The following HTRA1 variants were observed in gnomAD, a reference collection of about 807,000 sequenced individuals.
HTRA1 encodes HtrA serine peptidase 1.
HTRA1 carries 26 observed loss-of-function variants against 49.7 expected under a neutral mutation model. That is an observed-to-expected ratio of 0.52 (90% CI 0.38 to 0.73). HTRA1 has a LOEUF of 0.73. Among genes scored for constraint, HTRA1 ranks in the 30% least tolerant of loss-of-function variants. The probability of loss-of-function intolerance (pLI) is 0.00; values close to 1 mark genes in which losing one functional copy is unlikely to be tolerated. For synonymous variants in HTRA1, 291 were observed against 286.9 expected (o/e 1.01, Z -0.14); for missense variants, 561 against 667.2 (o/e 0.84, Z 1.75).
chr10:122,506,872 A>C lies in HTRA1; in HGVS notation c.959A>C (p.Asp320Ala). The change falls in exon 4 of 9, where the codon GAC becomes GCC. Residue 320 changes from aspartate (D) to alanine (A), a missense_variant. Asp to Ala is a moderately radical substitution (Grantham distance 126, BLOSUM62 -2). Around this residue, in one of 3 missense-constraint regions of HTRA1, gnomAD observed 271 missense variants for 410.0 expected, o/e 0.66. Coordinates refer to ENST00000368984, the MANE Select transcript of HTRA1 (RefSeq NM_002775.5). This position sits in a 1 kb window ranked among gnomAD's most constrained non-coding sequence, Gnocchi z 5.2. ...RNSDMDYIQT[D>A]AIINYGNSGG... The stretch of plus-strand genomic sequence containing the variant: ...TCAGACATGGACTACATCCAGACCG[A>C]CGCCATCATCAACGTGAGCCTCTGT... 1 of 1,613,564 alleles carries C rather than the reference A, an allele frequency of 6.2e-7. No homozygotes were observed. The highest frequency in any genetic ancestry group is 8.5e-7 in the Non-Finnish European group (1 of 1,179,998).
rs111580234 is a variant in HTRA1 at position 122,514,239 on chromosome 10, C to A, written c.1323C>A (p.Ser441=). ...NDVIISINGQ[S]VVSANDVSDV... Reference sequence around the variant, plus strand: ...TCATAATCAGCATCAATGGACAGTCCGTGGTCTCCGCCAATGATGTCAGCG... The same window carrying A: ...TCATAATCAGCATCAATGGACAGTCAGTGGTCTCCGCCAATGATGTCAGCG... The change falls in exon 9 of 9, where the codon TCC becomes TCA. Residue 441 remains serine, a synonymous_variant. Coordinates refer to ENST00000368984, the MANE Select transcript of HTRA1 (RefSeq NM_002775.5). 6.2e-7 allele frequency: 1 copy of A among 1,614,004 alleles called. No individual in the cohort carries two copies. Among genetic ancestry groups the A allele is most frequent in the Non-Finnish European group, 8.5e-7 (1 of 1,179,988 alleles).
intron 1 of HTRA1, among the ~76,000 whole-genome samples, chr10:122,466,635 G>C (rs1174892154): frequency 6.6e-6 from 1 of 152,184 alleles, no homozygotes; most frequent in African/African-American, 2.4e-5. Context: ...TACAATCACT[G>C]CTTCCCTGGG....
At chr10:122,508,099 A>G (rs1449382725) in intron 5 of HTRA1, among the ~76,000 whole-genome samples, 5 of 152,120 alleles carry the variant, frequency 3.3e-5, no homozygotes, top group Non-Finnish European at 5.9e-5. Flanking sequence ...CTGACATCTC[A>G]GCACTCCTGG....
intron 3 of HTRA1, among the ~76,000 whole-genome samples, chr10:122,496,984 A>G (rs1367523079): frequency 1.3e-5 from 2 of 152,198 alleles, no homozygotes; most frequent in African/African-American, 4.8e-5. Flanking sequence ...GTCTGAAAGC[A>G]CAAAGATTCA....
rs533707506 is a variant in HTRA1, at chr10:122,472,679, G to C, written c.472+10555G>C. Among the ~76,000 whole-genome samples, 7 of 152,288 alleles carry C rather than the reference G, an allele frequency of 4.6e-5. No individual in the cohort carries two copies. The East Asian group carries it at 1.4e-3, about 29-fold the overall frequency. On this transcript the variant is annotated intron_variant, in intron 1 of 8. Transcript: ENST00000368984. ...CAAAGTGTGGGGATTACAGGCATGA[G>C]CTACCATGCCTGGCCTAATTCCATC...
rs1227309000 is a variant in HTRA1, at chr10:122,493,797, C to T, written c.777+4171C>T. On this transcript the variant is annotated intron_variant, in intron 3 of 8. Coordinates refer to ENST00000368984, the MANE Select transcript of HTRA1 (RefSeq NM_002775.5). The stretch of plus-strand genomic sequence containing the variant: ...CCTTACCAGGACCTTGAGGGCCCCA[C>T]CTGATTGGGCACCCCTCACTCTCTC... Among the ~76,000 whole-genome samples the T allele has an allele frequency of 3.3e-5, 5 of 152,092 alleles. No individual in the cohort carries two copies. In the East Asian group the frequency reaches 7.7e-4, roughly 23 times the overall value.
intron 3 of HTRA1, among the ~76,000 whole-genome samples, chr10:122,501,140 A>G (rs1015739185): frequency 1.3e-5 from 2 of 152,188 alleles, no homozygotes; most frequent in Non-Finnish European, 1.5e-5. Flanking sequence ...CAGAACGGCT[A>G]TGAAGCCATC....
chr10:122,474,256 C>A (rs2097487455), intron 1 of HTRA1, among the ~76,000 whole-genome samples: 2 of 152,186 alleles, frequency 1.3e-5, no homozygotes, highest in Non-Finnish European at 2.9e-5. Context: ...AACTGAGGCC[C>A]AGGAAGGGGA....
At chr10:122,498,594 T>C (rs2097499690) in intron 3 of HTRA1, among the ~76,000 whole-genome samples, 1 of 152,098 alleles carries the variant, frequency 6.6e-6, no homozygotes, top group Non-Finnish European at 1.5e-5. Context: ...TTCAGAACCC[T>C]GAATGGAAGC....
rs1416128442 is a variant in HTRA1, at chr10:122,489,461, G to T, written c.612G>T (p.Gly204=). 3.7e-6 allele frequency: 6 copies of T among 1,614,200 alleles called. No individual in the cohort carries two copies. Among genetic ancestry groups the T allele is most frequent in the Non-Finnish European group, 5.1e-6 (6 of 1,180,038 alleles). The change falls in exon 3 of 9, where the codon GGG becomes GGT. Residue 204 remains glycine (G), a synonymous_variant. Coordinates refer to ENST00000368984, the MANE Select transcript of HTRA1 (RefSeq NM_002775.5). ...FSKREVPVAS[G]SGFIVSEDGL... is the part of the protein sequence containing the mutation. ...AACGAGAGGTGCCGGTGGCTAGTGG[G>T]TCTGGGTTTATTGTGTCGGAAGATG...
At chr10:122,480,283 G>A (rs545604768) in intron 1 of HTRA1, among the ~76,000 whole-genome samples, 4 of 151,944 alleles carry the variant, frequency 2.6e-5, no homozygotes, top group African/African-American at 4.8e-5. Context: ...GTACAACTTG[G>A]TGTTCCTACC....
chr10:122,495,544 G>T, intron 3 of HTRA1, among the ~76,000 whole-genome samples: 1 of 152,122 alleles, frequency 6.6e-6, no homozygotes, highest in East Asian at 1.9e-4. Flanking sequence ...CTTGGGAAAC[G>T]TTTCAGTTCC....
chr10:122,501,166 G>T (rs888239942), intron 3 of HTRA1, among the ~76,000 whole-genome samples: 8 of 152,178 alleles, frequency 5.3e-5, no homozygotes, highest in Non-Finnish European at 1.2e-4. Context: ...CATCCACAGG[G>T]TGGTGGGTCG....
intron 1 of HTRA1, among the ~76,000 whole-genome samples, chr10:122,468,360 GATGCAT>G (rs2097484646): frequency 6.6e-6 from 1 of 152,152 alleles, no homozygotes; most frequent in African/African-American, 2.4e-5. Flanking sequence ...CACTGTGCCT[GATGCAT>G]TGCTAGAACT....
rs760165455 is a variant in HTRA1, at chr10:122,489,621, C to T, written c.772C>T (p.His258Tyr). The change falls in exon 3 of 9, where the codon CAC becomes TAC. Residue 258 changes from histidine to tyrosine, a missense_variant. By Grantham distance (83) the His-to-Tyr change is moderately conservative. Coordinates refer to ENST00000368984, the MANE Select transcript of HTRA1 (RefSeq NM_002775.5). Reference sequence around the variant, plus strand: ...AGACATCGCACTCATCAAAATTGACCACCAGGTAAGGGTGTTCTCGCCTGC... The same window carrying T: ...AGACATCGCACTCATCAAAATTGACTACCAGGTAAGGGTGTTCTCGCCTGC... ...KADIALIKID[H>Y]QGKLPVLLLG... 13 of 1,613,328 alleles carry T rather than the reference C, an allele frequency of 8.1e-6. No individual in the cohort carries two copies. The Middle Eastern group carries it at 7.0e-4, about 87-fold the overall frequency.
intron 3 of HTRA1, among the ~76,000 whole-genome samples, chr10:122,495,086 G>A (rs1328218574): frequency 2.0e-5 from 3 of 152,070 alleles, no homozygotes; most frequent in African/African-American, 4.8e-5. Flanking sequence ...GCCTGAGCTC[G>A]TCCAAAAGCG....
Position 122,513,737 on chromosome 10 carries a change from TA to T in HTRA1, c.1275-453del, listed in dbSNP as rs376543776. On this transcript the variant is annotated intron_variant, in intron 8 of 8. Transcript: ENST00000368984. ...CGATGGTTTATTTTTTATTTTATTT[TA>T]TTTTTTTTGAGATGGAATCCCACTC... 3.4e-3 allele frequency among the ~76,000 whole-genome samples: 523 copies of T among 151,902 alleles called. 3 individuals carry two copies. The highest frequency in any genetic ancestry group is 0.017 in the Middle Eastern group (5 of 294).
intron 6 of HTRA1, 151 bp from the exon 7 acceptor site, chr10:122,509,945 G>T: frequency 1.4e-6 from 1 of 715,290 alleles, no homozygotes; most frequent in Non-Finnish European, 2.6e-6. Flanking sequence ...CCCCAGAGGG[G>T]AGGGGTCCAG....
At position 122,494,457 on chromosome 10, in the gene HTRA1, G is replaced by A. The variant is rs1040815775; in HGVS notation, c.777+4831G>A. On this transcript the variant is annotated intron_variant, in intron 3 of 8. Transcript: ENST00000368984. This position sits in a 1 kb window ranked among gnomAD's most constrained non-coding sequence, Gnocchi z 4.0. ...CCTGCCTCCCGGCTTTGCCTGCTTG[G>A]AGTTTGATGGACACGTGGTCCTGTC... Among the ~76,000 whole-genome samples, 2 of 152,190 alleles carry A rather than the reference G, an allele frequency of 1.3e-5. No homozygotes were observed. Among genetic ancestry groups the A allele is most frequent in the South Asian group, 2.1e-4 (1 of 4,836 alleles).
Sources: gnomAD v4.1 joint callset for allele counts (sites outside exome capture counted in the v4.1 genomes callset) on GRCh38, gnomAD v4.1.1 for gene constraint, gnomAD v4.1.1 regional missense constraint, Gnocchi (gnomAD v3.1) non-coding constraint, MANE v1.5 for transcripts, NCBI Gene and HGNC (gene_info 2026-07-23, HGNC 2026-07-21) for gene names.